CTNNA3: variants seen among roughly 807,000 people sequenced by gnomAD.
CTNNA3 encodes catenin alpha-3.
Under a neutral mutation model 95.7 loss-of-function variants are expected in CTNNA3, and 76 were observed. That is an observed-to-expected ratio of 0.79 (90% CI 0.66 to 0.96). The LOEUF (loss-of-function observed/expected upper bound fraction) is 0.96, where lower values mean the gene tolerates loss of function less well. Among genes scored for constraint, CTNNA3 ranks in the 40% least tolerant of loss-of-function variants. The pLI is 0.00. For synonymous variants in CTNNA3, 431 were observed against 374.4 expected (o/e 1.15, Z -1.74); for missense variants, 1,191 against 1,089.8 (o/e 1.09, Z -1.31).
intron 11 of CTNNA3, among the ~76,000 whole-genome samples, chr10:66,517,798 C>A (rs188952097): frequency 6.6e-6 from 1 of 152,066 alleles, no homozygotes; most frequent in African/African-American, 2.4e-5. Flanking sequence ...GAATGGGACC[C>A]CTTTCCTGTA....
intron 7 of CTNNA3, among the ~76,000 whole-genome samples, chr10:66,985,247 T>C (rs964434645): frequency 3.9e-5 from 6 of 152,212 alleles, no homozygotes; most frequent in African/African-American, 1.4e-4. Context: ...TATAGTAATA[T>C]AGTGATTATT....
chr10:67,234,077 A>C (rs1051815416), intron 5 of CTNNA3, among the ~76,000 whole-genome samples: 6 of 152,260 alleles, frequency 3.9e-5, no homozygotes, highest in South Asian at 4.1e-4. Flanking sequence ...CGAATTCTAC[A>C]AGAGGTACAA....
chr10:67,123,321 T>G (rs963873568), intron 7 of CTNNA3, among the ~76,000 whole-genome samples: 3 of 152,128 alleles, frequency 2.0e-5, no homozygotes, highest in Admixed American at 6.6e-5. Flanking sequence ...TGTATGCTAG[T>G]CCTGGAAAAA....
chr10:66,131,603 A>C (rs1427292390), intron 13 of CTNNA3, among the ~76,000 whole-genome samples: 3 of 152,156 alleles, frequency 2.0e-5, no homozygotes, highest in Non-Finnish European at 2.9e-5. Context: ...GCAATTATAA[A>C]CAAAAAGAAC....
chr10:67,422,837 G>A (rs1845794191), intron 5 of CTNNA3, among the ~76,000 whole-genome samples: 1 of 152,068 alleles, frequency 6.6e-6, no homozygotes, highest in African/African-American at 2.4e-5. Flanking sequence ...AAGTTACCCA[G>A]TCTCAGGTAG....
chr10:66,344,544 G>A (rs2092486469), intron 12 of CTNNA3, among the ~76,000 whole-genome samples: 1 of 151,942 alleles, frequency 6.6e-6, no homozygotes, highest in Non-Finnish European at 1.5e-5. Flanking sequence ...TGGGATTACA[G>A]GTGTGAGCCA....
chr10:66,067,212 T>G (rs541750922), intron 15 of CTNNA3, among the ~76,000 whole-genome samples: 3 of 152,166 alleles, frequency 2.0e-5, no homozygotes, highest in Non-Finnish European at 4.4e-5. Context: ...TAAAACGATC[T>G]CCATCTCTCT....
In CTNNA3 at chr10:66,920,341, C is replaced by G. The variant is rs143725914; in HGVS notation, c.1048-144817G>C. Among the ~76,000 whole-genome samples the G allele has an allele frequency of 7.4e-3, 1,120 of 152,334 alleles. 8 individuals carry two copies. The highest frequency in any genetic ancestry group is 0.018 in the South Asian group (88 of 4,828). On this transcript the variant is annotated intron_variant, in intron 7 of 17. Coordinates refer to ENST00000433211, the MANE Select transcript of CTNNA3 (RefSeq NM_013266.4). The stretch of plus-strand genomic sequence containing the variant: ...AGACCCAAAGAAGTTTGCACAGAAT[C>G]AGTTCCAAATTCCAAATGTCAACTG...
chr10:67,406,995 A>G (rs1442737374), intron 5 of CTNNA3, among the ~76,000 whole-genome samples: 2 of 152,216 alleles, frequency 1.3e-5, no homozygotes, highest in African/African-American at 4.8e-5. Flanking sequence ...AGGTACAAAG[A>G]AGAGCTGGTA....
intron 2 of CTNNA3, among the ~76,000 whole-genome samples, chr10:67,635,587 G>C (rs2133446603): frequency 6.6e-6 from 1 of 152,192 alleles, no homozygotes; most frequent in Non-Finnish European, 1.5e-5. Context: ...TATCTCAATA[G>C]ACGTAGAAAA....
In CTNNA3 at chr10:66,800,578, T is replaced by C. The variant is rs897743047; in HGVS notation, c.1048-25054A>G. Reference sequence around the variant, plus strand: ...AGAAACTGATGAGATAAATAAAATATAGAAATTTTCAAATATTCCTAATAA... The same window carrying C: ...AGAAACTGATGAGATAAATAAAATACAGAAATTTTCAAATATTCCTAATAA... On this transcript the variant is annotated intron_variant, in intron 7 of 17. Coordinates refer to ENST00000433211, the MANE Select transcript of CTNNA3 (RefSeq NM_013266.4). 7.3e-5 allele frequency among the ~76,000 whole-genome samples: 11 copies of C among 151,206 alleles called. 1 individual carries two copies. Among genetic ancestry groups the C allele is most frequent in the African/African-American group, 1.7e-4 (7 of 41,344 alleles).
intron 1 of CTNNA3, among the ~76,000 whole-genome samples, chr10:67,701,636 G>A (rs1841040351): frequency 6.6e-6 from 1 of 152,220 alleles, no homozygotes; most frequent in South Asian, 2.1e-4. Flanking sequence ...CACTAAACAT[G>A]GAAAGGAAAA....
At chr10:67,175,137 AG>A (rs1192794876) in intron 7 of CTNNA3, among the ~76,000 whole-genome samples, 5 of 109,360 alleles carry the variant, frequency 4.6e-5, no homozygotes, top group Admixed American at 1.1e-4. Context: ...AGGGAAAGGG[AG>A]GGAGGGAGGG....
At chr10:66,083,986 T>G (rs530155893) in intron 14 of CTNNA3, among the ~76,000 whole-genome samples, 2 of 151,626 alleles carry the variant, frequency 1.3e-5, no homozygotes, top group South Asian at 4.2e-4. Flanking sequence ...AAATACAAAA[T>G]TAGCCAGGTG....
At chr10:66,273,910 G>T (rs1333650827) in intron 13 of CTNNA3, among the ~76,000 whole-genome samples, 2 of 151,968 alleles carry the variant, frequency 1.3e-5, no homozygotes, top group Non-Finnish European at 2.9e-5. Flanking sequence ...AATAGAAAGG[G>T]TTAGCAGAAG....
chr10:67,270,707 A>G (rs961773481), intron 5 of CTNNA3, among the ~76,000 whole-genome samples: 1 of 152,166 alleles, frequency 6.6e-6, no homozygotes, highest in Non-Finnish European at 1.5e-5. Context: ...CAACAAAATT[A>G]CCCTTTTGCA....
chr10:67,089,717 A>ATGTGTGTGTG (rs71006125), intron 7 of CTNNA3, among the ~76,000 whole-genome samples: 5,076 of 144,700 alleles, frequency 0.035, 109 homozygotes, highest in Middle Eastern at 0.058. Context: ...GTATATACAT[A>ATGTGTGTGTG]TGTGTGTGTG....
chr10:66,894,758 T>C (rs187670227), intron 7 of CTNNA3, among the ~76,000 whole-genome samples: 6 of 152,000 alleles, frequency 3.9e-5, no homozygotes, highest in Admixed American at 3.3e-4. Context: ...CACAACAAGC[T>C]CAACAAAGAA....
chr10:66,284,455 G>A (rs2091550880), intron 12 of CTNNA3, among the ~76,000 whole-genome samples: 1 of 151,848 alleles, frequency 6.6e-6, no homozygotes, highest in African/African-American at 2.4e-5. Flanking sequence ...AGTCCATGGG[G>A]TTTCTGAATT....
Sources: gnomAD v4.1 joint callset for allele counts (sites outside exome capture counted in the v4.1 genomes callset) on GRCh38, gnomAD v4.1.1 for gene constraint, MANE v1.5 for transcripts, NCBI Gene and HGNC (gene_info 2026-07-23, HGNC 2026-07-21) for gene names.